Variants in GRM5 observed in about 807,000 individuals in gnomAD.
The protein encoded by GRM5 is glutamate metabotropic receptor 5.
Under a neutral mutation model 83.1 loss-of-function variants are expected in GRM5, and 19 were observed. The observed-to-expected ratio is 0.23, with a 90% CI of 0.16 to 0.34. GRM5 has a LOEUF of 0.34. Ranked by LOEUF, GRM5 falls within the 10% of genes least tolerant of loss-of-function variation. The pLI, the probability that GRM5 is intolerant of heterozygous loss-of-function variation, is 1.00. For missense variants in GRM5, 1,160 were observed against 1,588.3 expected (o/e 0.73, Z 4.58); for synonymous variants, 675 against 633.6 (o/e 1.07, Z -0.98).
intron 2 of GRM5, among the ~76,000 whole-genome samples, chr11:88,982,343 T>C (rs1939552301): frequency 6.6e-6 from 1 of 152,188 alleles, no homozygotes; most frequent in South Asian, 2.1e-4. Flanking sequence ...AAATAAGTGA[T>C]ATATAAACCT....
intron 4 of GRM5, among the ~76,000 whole-genome samples, chr11:88,631,956 A>G (rs1938981404): frequency 6.6e-6 from 1 of 152,162 alleles, no homozygotes; most frequent in African/African-American, 2.4e-5. Context: ...ACAAATAGAT[A>G]TTTGTCCTTA....
At chr11:88,751,844 C>A (rs923121348) in intron 3 of GRM5, among the ~76,000 whole-genome samples, 3 of 152,122 alleles carry the variant, frequency 2.0e-5, no homozygotes, top group African/African-American at 7.2e-5. Context: ...GAACTAAAGA[C>A]AAAAACCACA....
At chr11:88,935,745 G>A (rs1209984663) in intron 2 of GRM5, among the ~76,000 whole-genome samples, 1 of 151,730 alleles carries the variant, frequency 6.6e-6, no homozygotes, top group Non-Finnish European at 1.5e-5. Flanking sequence ...TTTACAGGAT[G>A]GATATCCTTC....
intron 2 of GRM5, among the ~76,000 whole-genome samples, chr11:88,883,891 C>A (rs1945001064): frequency 1.3e-5 from 2 of 152,122 alleles, no homozygotes; most frequent in South Asian, 4.1e-4. Flanking sequence ...TTGGAAACTT[C>A]CATATACATT....
chr11:88,631,078 C>T (rs1938956749), intron 4 of GRM5, among the ~76,000 whole-genome samples: 1 of 152,148 alleles, frequency 6.6e-6, no homozygotes, highest in Admixed American at 6.6e-5. Flanking sequence ...TGTCAAAACA[C>T]TAGGCCAACC....
intron 4 of GRM5, among the ~76,000 whole-genome samples, chr11:88,652,015 C>A (rs1026634402): frequency 6.6e-6 from 1 of 151,938 alleles, no homozygotes; most frequent in Non-Finnish European, 1.5e-5. Context: ...TATGTGACAA[C>A]CTCTTTGTGG....
intron 3 of GRM5, among the ~76,000 whole-genome samples, chr11:88,822,606 A>G (rs2135510929): frequency 6.6e-6 from 1 of 152,326 alleles, no homozygotes; most frequent in African/African-American, 2.4e-5. Context: ...TTCAGCTGAT[A>G]AAAGATGTGA....
intron 3 of GRM5, among the ~76,000 whole-genome samples, chr11:88,798,459 C>T (rs1281548743): frequency 1.3e-5 from 2 of 152,016 alleles, no homozygotes; most frequent in Non-Finnish European, 2.9e-5. Flanking sequence ...CTTTATAATA[C>T]ATCAAGGAAA....
chr11:88,775,507 C>T (rs886850221), intron 3 of GRM5, among the ~76,000 whole-genome samples: 4 of 151,952 alleles, frequency 2.6e-5, no homozygotes, highest in South Asian at 2.1e-4. Context: ...GCTCTTGCTT[C>T]TCTAGTTCTT....
At chr11:89,016,630 G>A (rs1365550422) in intron 2 of GRM5, among the ~76,000 whole-genome samples, 2 of 152,124 alleles carry the variant, frequency 1.3e-5, no homozygotes, top group African/African-American at 4.8e-5. Flanking sequence ...GAGAAGTCGA[G>A]TGATTTTCTT....
chr11:88,596,955 CA>C (rs1309459709), intron 6 of GRM5, among the ~76,000 whole-genome samples: 1 of 152,010 alleles, frequency 6.6e-6, no homozygotes, highest in Non-Finnish European at 1.5e-5. Flanking sequence ...CTTGTATGAG[CA>C]GAAACGGTGT....
intron 3 of GRM5, among the ~76,000 whole-genome samples, chr11:88,695,141 C>T (rs1940871611): frequency 6.6e-6 from 1 of 152,128 alleles, no homozygotes; most frequent in African/African-American, 2.4e-5. Flanking sequence ...AAGAAAATAG[C>T]AAAGAGCTTG....
intron 4 of GRM5, among the ~76,000 whole-genome samples, chr11:88,619,137 C>T (rs572459625): frequency 1.4e-4 from 21 of 152,296 alleles, no homozygotes; most frequent in African/African-American, 4.8e-4. Flanking sequence ...TTTAACTTTA[C>T]AGCCGCTCAA....
At chr11:88,794,178 C>T (rs1943231787) in intron 3 of GRM5, among the ~76,000 whole-genome samples, 1 of 152,080 alleles carries the variant, frequency 6.6e-6, no homozygotes, top group South Asian at 2.1e-4. Flanking sequence ...TAAGCATTCC[C>T]GTCCCCACTA....
chr11:89,014,019 A>G (rs1324642592), intron 2 of GRM5, among the ~76,000 whole-genome samples: 6 of 152,128 alleles, frequency 3.9e-5, no homozygotes, highest in Non-Finnish European at 8.8e-5. Context: ...CAGAAGAGAC[A>G]GTGTGCCCAA....
At chr11:89,013,756 A>C (rs944800872) in intron 2 of GRM5, among the ~76,000 whole-genome samples, 1 of 152,182 alleles carries the variant, frequency 6.6e-6, no homozygotes, top group African/African-American at 2.4e-5. Context: ...TTACAACCCA[A>C]ATCCAAATCC....
intron 3 of GRM5, among the ~76,000 whole-genome samples, chr11:88,789,975 C>T (rs1367602933): frequency 1.3e-5 from 2 of 152,162 alleles, no homozygotes; most frequent in Non-Finnish European, 2.9e-5. Flanking sequence ...CTGCCTCAGT[C>T]TCCCAAGTAG....
At chr11:88,790,365 C>T (rs1490310736) in intron 3 of GRM5, among the ~76,000 whole-genome samples, 2 of 152,108 alleles carry the variant, frequency 1.3e-5, no homozygotes, top group Non-Finnish European at 2.9e-5. Context: ...TAACATAATT[C>T]TGTCTTGCTT....
chr11:88,939,337 G>A (rs1372890715), intron 2 of GRM5, among the ~76,000 whole-genome samples: 1 of 151,680 alleles, frequency 6.6e-6, no homozygotes, highest in Non-Finnish European at 1.5e-5. Context: ...AGTGATACAA[G>A]GGTGCCCACA....
Sources: gnomAD v4.1 joint callset for allele counts (sites outside exome capture counted in the v4.1 genomes callset) on GRCh38, gnomAD v4.1.1 for gene constraint, MANE v1.5 for transcripts, NCBI Gene and HGNC (gene_info 2026-07-23, HGNC 2026-07-21) for gene names.